The following SAMMSON variants were observed in gnomAD, a reference collection of about 807,000 sequenced individuals.
SAMMSON encodes the protein survival associated mitochondrial melanoma specific oncogenic non-coding RNA, also known as long intergenic non-protein coding RNA 1212.
chr3:70,199,536 A>G (rs548767214), intron 4 of SAMMSON, among the ~76,000 whole-genome samples: 1 of 152,326 alleles, frequency 6.6e-6, no homozygotes, highest in Admixed American at 6.5e-5. Flanking sequence ...CCCAAAAACA[A>G]CATGGTAACA....
chr3:70,413,851 C>T (rs1701241748), intron 2 of SAMMSON, among the ~76,000 whole-genome samples: 1 of 152,018 alleles, frequency 6.6e-6, no homozygotes, highest in African/African-American at 2.4e-5. Flanking sequence ...AATAGCTCTG[C>T]CATTATTAGT....
chr3:70,362,904 T>C (rs186658666), intron 9 of SAMMSON, among the ~76,000 whole-genome samples: 1 of 151,002 alleles, frequency 6.6e-6, no homozygotes, highest in Non-Finnish European at 1.5e-5. Flanking sequence ...TTAGATGGAG[T>C]TTATCAGGCT....
At chr3:70,232,306 C>T (rs1012148111) in intron 4 of SAMMSON, among the ~76,000 whole-genome samples, 4 of 152,144 alleles carry the variant, frequency 2.6e-5, no homozygotes, top group Non-Finnish European at 4.4e-5. Context: ...GCAAGTGTCT[C>T]ATCTTCAACC....
chr3:70,044,075 A>G (rs1377248492), intron 3 of SAMMSON, among the ~76,000 whole-genome samples: 4 of 152,060 alleles, frequency 2.6e-5, no homozygotes, highest in Non-Finnish European at 4.4e-5. Flanking sequence ...AAAATAAAGT[A>G]GTTATTGAAA....
chr3:70,339,296 A>C (rs903958218), intron 7 of SAMMSON, among the ~76,000 whole-genome samples: 3 of 152,210 alleles, frequency 2.0e-5, no homozygotes, highest in African/African-American at 4.8e-5. Context: ...AATCATAAAA[A>C]ACCCTAGAAG....
rs1701740986 is a variant in SAMMSON, at chr3:70,249,641, G to T, written n.645G>T. Reference sequence around the variant, plus strand: ...AAGAAATGTAATGTTTTGGTCATGGGAGAGCTGCCAATTCCACAGTACCAG... The same window carrying T: ...AAGAAATGTAATGTTTTGGTCATGGTAGAGCTGCCAATTCCACAGTACCAG... On this transcript the variant is annotated non_coding_transcript_exon_variant, in exon 6 of 10. Transcript: ENST00000642114. 3 of 152,044 alleles carry T rather than the reference G, an allele frequency of 2.0e-5. 1 individual carries two copies. The South Asian group carries it at 6.2e-4, about 31-fold the overall frequency. The allele number at this position is 152,044 out of a possible 1,614,324, so 9.4% of individuals were successfully genotyped here.
intron 4 of SAMMSON, among the ~76,000 whole-genome samples, chr3:70,224,635 CAGTT>C (rs1272282734): frequency 6.6e-6 from 1 of 152,094 alleles, no homozygotes; most frequent in Non-Finnish European, 1.5e-5. Context: ...GTAACGGGGT[CAGTT>C]AGAGAGCTTC....
Position 70,071,176 on chromosome 3 carries a change from A to G in SAMMSON, n.418-300A>G, listed in dbSNP as rs558043268. ...AAATCATTTGTAATTATGCATCACAAAGAGGTACAATCACAGTGCATCCAT... is the reference window on the plus strand; with the variant it reads ...AAATCATTTGTAATTATGCATCACAGAGAGGTACAATCACAGTGCATCCAT... On this transcript the variant is annotated intron_variant and non_coding_transcript_variant, in intron 3 of 9. Coordinates refer to ENST00000642114, the Ensembl canonical transcript of SAMMSON. Among the ~76,000 whole-genome samples, 20 of 152,116 alleles carry G rather than the reference A, an allele frequency of 1.3e-4. 1 individual carries two copies. The highest frequency in any genetic ancestry group is 1.0e-4 in the Non-Finnish European group (7 of 67,954).
chr3:70,067,991 A>C (rs896578247), intron 3 of SAMMSON, among the ~76,000 whole-genome samples: 1 of 152,054 alleles, frequency 6.6e-6, no homozygotes, highest in Non-Finnish European at 1.5e-5. Context: ...GTCTATAAAA[A>C]GGTATCCATA....
At chr3:70,135,832 A>G (rs760793422) in intron 4 of SAMMSON, among the ~76,000 whole-genome samples, 5 of 152,150 alleles carry the variant, frequency 3.3e-5, no homozygotes, top group African/African-American at 4.8e-5. Context: ...GTTCATTTTT[A>G]CTATACCATT....
chr3:70,011,303 T>G (rs898233005), intron 1 of SAMMSON, among the ~76,000 whole-genome samples: 2 of 152,072 alleles, frequency 1.3e-5, no homozygotes, highest in Non-Finnish European at 2.9e-5. Flanking sequence ...AGCAATACAA[T>G]TTTCCTTAGT....
Position 70,427,733 on chromosome 3 carries a change from G to A in SAMMSON, n.234-34827G>A, listed in dbSNP as rs1006556343. 2.9e-4 allele frequency among the ~76,000 whole-genome samples: 33 copies of A among 114,544 alleles called. No individual in the cohort carries two copies. In the South Asian group the frequency reaches 9.4e-3, roughly 33 times the overall value. The allele number at this position is 114,544 out of a possible 152,430, so 75.1% of individuals were successfully genotyped here. A position where few individuals can be genotyped will look rare whatever the true frequency, so the allele number is the denominator to read the frequency against. On this transcript the variant is annotated intron_variant and non_coding_transcript_variant, in intron 2 of 3. Coordinates refer to the SAMMSON transcript ENST00000641053. ...AGCCTGGGCGACAGAGCGAAACTCC[G>A]TCTCAAAAAAAAAAAAAAAAAAATG...
downstream of SAMMSON, among the ~76,000 whole-genome samples, chr3:70,393,697 A>G (rs1050730759): frequency 1.3e-5 from 2 of 152,126 alleles, no homozygotes; most frequent in Admixed American, 1.3e-4. Context: ...GGAGTTGGCC[A>G]GGCAAAAAGT....
At chr3:70,017,221 A>G (rs1576097444) in intron 3 of SAMMSON, among the ~76,000 whole-genome samples, 1 of 152,206 alleles carries the variant, frequency 6.6e-6, no homozygotes, top group African/African-American at 2.4e-5. Flanking sequence ...ACCCATGAGC[A>G]TGGAATGTTA....
At chr3:70,394,527 G>C (rs1476237845), downstream of SAMMSON, among the ~76,000 whole-genome samples, 1 of 152,094 alleles carries the variant, frequency 6.6e-6, no homozygotes, top group Non-Finnish European at 1.5e-5. Context: ...ACCGAAGAGA[G>C]GGAATAATGG....
chr3:70,007,615 G>GT (rs960158585), intron 1 of SAMMSON, among the ~76,000 whole-genome samples: 2,434 of 148,280 alleles, frequency 0.016, 49 homozygotes, highest in African/African-American at 0.056. Context: ...TCTGATTGTA[G>GT]TTTTTTTTTT....
intron 4 of SAMMSON, among the ~76,000 whole-genome samples, chr3:70,165,249 C>T (rs1055581015): frequency 3.3e-5 from 5 of 151,986 alleles, no homozygotes; most frequent in African/African-American, 1.2e-4. Flanking sequence ...GCAGACTTAT[C>T]AGATAACACA....
At chr3:70,236,366 T>G (rs563545394) in intron 4 of SAMMSON, among the ~76,000 whole-genome samples, 1 of 152,308 alleles carries the variant, frequency 6.6e-6, no homozygotes, top group Admixed American at 6.5e-5. Flanking sequence ...ACTTCTTGTA[T>G]ATTTTATGTA....
At chr3:70,074,085 C>A (rs1041484758) in intron 4 of SAMMSON, among the ~76,000 whole-genome samples, 8 of 151,772 alleles carry the variant, frequency 5.3e-5, no homozygotes, top group Non-Finnish European at 2.9e-5. Flanking sequence ...TATACAACAG[C>A]TAAAAAATAG....
Sources: allele counts gnomAD v4.1 joint callset (sites outside exome capture counted in the v4.1 genomes callset), GRCh38; gene constraint gnomAD v4.1.1; transcripts MANE v1.5; gene names NCBI Gene and HGNC (gene_info 2026-07-23, HGNC 2026-07-21).